The following NPC1 variants were observed in gnomAD, a reference collection of about 807,000 sequenced individuals.
The protein encoded by NPC1 is Niemann-Pick C1 protein.
In NPC1, 85 loss-of-function variants were observed where a neutral mutation model predicts 140.4. The ratio of observed to expected loss-of-function variants is 0.61; its 90% CI spans 0.51 to 0.72. The LOEUF (loss-of-function observed/expected upper bound fraction) is 0.72. Among genes scored for constraint, NPC1 ranks in the 30% least tolerant of loss-of-function variants. The probability of loss-of-function intolerance (pLI) is 0.00; values close to 1 mark genes in which losing one functional copy is unlikely to be tolerated. For missense variants in NPC1, 1,504 were observed against 1,623.8 expected (o/e 0.93, Z 1.27); for synonymous variants, 656 against 624.8 (o/e 1.05, Z -0.74).
downstream of NPC1, chr18:23,519,044 C>A (rs1483545170): frequency 1.5e-5 from 24 of 1,612,718 alleles, no homozygotes; most frequent in Non-Finnish European, 2.0e-5. Context: ...GCTTGTTGAT[C>A]TGTTTTTTGC....
At chr18:23,529,604 T>C (rs1165865760), downstream of NPC1, 1 of 1,581,390 alleles carries the variant, frequency 6.3e-7, no homozygotes, top group Admixed American at 1.7e-5. Flanking sequence ...ACCTCGTTGG[T>C]ATTTGTAAGA....
Position 23,514,482 on chromosome 18 carries a change from G to C in NPC1, c.432-7840C>G, listed in dbSNP as rs2057946880. 4.6e-5 allele frequency among the ~76,000 whole-genome samples: 7 copies of C among 152,284 alleles called. No homozygotes were observed. The South Asian group carries it at 1.5e-3, about 32-fold the overall frequency. On this transcript the variant is annotated intron_variant, in intron 3 of 3. Transcript: ENST00000591107. ...TGAGGCAGAAGAATCCCTTGAACGT[G>C]GGAGGTGGAGGTTGCGGTGAGCCGA...
At chr18:23,570,817 TAAAAAA>T (rs2059191130) in intron 3 of NPC1, among the ~76,000 whole-genome samples, 1 of 152,154 alleles carries the variant, frequency 6.6e-6, no homozygotes. Context: ...ACAGAACAGA[TAAAAAA>T]CTAAGTTTGA....
chr18:23,545,087 C>T lies in NPC1; in HGVS notation c.1820G>A (p.Arg607Gln). The T allele has an allele frequency of 1.2e-6, 2 of 1,612,914 alleles. No homozygotes were observed. Among genetic ancestry groups the T allele is most frequent in the Middle Eastern group, 1.7e-4 (1 of 6,060 alleles). ...ACGATTTAGTTCATCTTCAATACTTCGTTCAGCAGTGAAGGAAATGGTCAG... is the reference window on the plus strand; with the variant it reads ...ACGATTTAGTTCATCTTCAATACTTTGTTCAGCAGTGAAGGAAATGGTCAG... Reference protein sequence around the residue: ...PNLTISFTAERSIEDELNRES... With the variant: ...PNLTISFTAEQSIEDELNRES... The change falls in exon 12 of 25, where the codon CGA becomes CAA. Residue 607 changes from arginine (R) to glutamine (Q), a missense_variant. Physicochemically the swap from Arg to Gln is conservative, Grantham distance 43. Transcript: ENST00000269228.
chr18:23,532,917 A>G, intron 24 of NPC1: 1 of 985,368 alleles, frequency 1.0e-6, no homozygotes, highest in African/African-American at 1.7e-5. Context: ...AGGATCAAGG[A>G]CAGTCTCGAG....
intron 10 of NPC1, among the ~76,000 whole-genome samples, chr18:23,550,474 C>CCTTTTTTTT (rs1567960370): frequency 1.4e-5 from 1 of 73,866 alleles, no homozygotes; most frequent in Non-Finnish European, 2.5e-5. Flanking sequence ...CCAGTTCTTA[C>CCTTTTTTTT]ATTTCTTTTT....
chr18:23,507,151 T>C (rs537441119), intron 3 of NPC1: 2 of 816,696 alleles, frequency 2.4e-6, no homozygotes, highest in African/African-American at 1.7e-5. Flanking sequence ...AAACTTTTAT[T>C]ATCTTACTGT....
chr18:23,529,897 A>G, downstream of NPC1: 1 of 1,068,834 alleles, frequency 9.4e-7, no homozygotes, highest in Non-Finnish European at 1.4e-6. Flanking sequence ...CTTTACCTGC[A>G]TGACGAAACC....
rs35922440 is a variant in NPC1, at chr18:23,575,769, C to CAAAAAAAAAA, written c.58-2205_58-2196dup. ...CTTCTAGAGACACAGCAGAGAAGAC[C>CAAAAAAAAAA]AAAAAAAAAAAAAAAAAAAAAAAAA... On this transcript the variant is annotated intron_variant, in intron 1 of 24. Transcript: ENST00000269228. Among the ~76,000 whole-genome samples, 81 of 35,102 alleles carry CAAAAAAAAAA rather than the reference C, an allele frequency of 2.3e-3. 7 individuals are homozygous for CAAAAAAAAAA. The highest frequency in any genetic ancestry group is 3.9e-3 in the South Asian group (3 of 764). The allele number at this position is 35,102 out of a possible 152,430, so 23.0% of individuals were successfully genotyped here. A position where few individuals can be genotyped will look rare whatever the true frequency, so the allele number is the denominator to read the frequency against.
chr18:23,550,274 T>C (rs989427501), intron 10 of NPC1, among the ~76,000 whole-genome samples: 11 of 151,946 alleles, frequency 7.2e-5, no homozygotes, highest in African/African-American at 2.4e-4. Flanking sequence ...GCCTCCCAAA[T>C]TGCTGGGATT....
chr18:23,528,143 C>T (rs564493347), downstream of NPC1: 13 of 408,414 alleles, frequency 3.2e-5, no homozygotes, highest in East Asian at 1.4e-4. Context: ...TTGTTTTTCC[C>T]ATCTGTGTTT....
chr18:23,520,216 C>A (rs112752406), downstream of NPC1: 1 of 1,613,764 alleles, frequency 6.2e-7, no homozygotes, highest in African/African-American at 1.3e-5. Flanking sequence ...CGGTAATATT[C>A]GATATCAAGT....
downstream of NPC1, chr18:23,526,808 C>A (rs763878581): frequency 6.3e-7 from 1 of 1,599,936 alleles, no homozygotes; most frequent in Non-Finnish European, 8.5e-7. Flanking sequence ...CAGTGTGAGG[C>A]CTGTGCTGCC....
intron 2 of NPC1, among the ~76,000 whole-genome samples, 172 bp downstream of exon 2, chr18:23,573,280 G>A (rs1017491037): frequency 3.3e-5 from 5 of 152,178 alleles, no homozygotes; most frequent in African/African-American, 7.2e-5. Context: ...TTGGAGTTAC[G>A]GTGTTCTTTC....
chr18:23,544,845 G>A, intron 12 of NPC1, 115 bp downstream of exon 12: 1 of 793,642 alleles, frequency 1.3e-6, no homozygotes, highest in Non-Finnish European at 2.1e-6. Context: ...TAAAACATGG[G>A]GGAATTTATG....
At chr18:23,534,026 A>T (rs1378561871) in intron 23 of NPC1, 3 of 327,450 alleles carry the variant, frequency 9.2e-6, no homozygotes, top group Admixed American at 9.2e-5. Context: ...AGTGTTACGA[A>T]ACAAAGTTTT....
chr18:23,556,348 C>G lies in NPC1; in HGVS notation c.1221G>C (p.Gln407His), dbSNP rs765539977. The G allele has an allele frequency of 1.2e-5, 20 of 1,613,970 alleles. No individual in the cohort carries two copies. The Admixed American group carries it at 3.3e-4, about 27-fold the overall frequency. ...CAGTGAGAGGGGCCCGGATGATGAGCTGCTCCGTCCGGAAGAAAGGCCCAA... is the reference window on the plus strand; with the variant it reads ...CAGTGAGAGGGGCCCGGATGATGAGGTGCTCCGTCCGGAAGAAAGGCCCAA... ...QHFGPFFRTE[Q>H]LIIRAPLTDK... The change falls in exon 8 of 25, where the codon CAG (glutamine) becomes CAC (histidine). Residue 407 changes from glutamine to histidine, a missense_variant. Transcript: ENST00000269228.
At chr18:23,571,128 C>G (rs2059196122) in intron 3 of NPC1, among the ~76,000 whole-genome samples, 1 of 152,060 alleles carries the variant, frequency 6.6e-6, no homozygotes. Context: ...AGCATCAACT[C>G]TGAATGCAAC....
downstream of NPC1, among the ~76,000 whole-genome samples, chr18:23,527,348 G>A (rs1465375425): frequency 6.6e-6 from 1 of 151,824 alleles, no homozygotes; most frequent in Non-Finnish European, 1.5e-5. Flanking sequence ...GCAGCGAGCC[G>A]TTTGTGTCAG....
Sources: gnomAD v4.1 joint callset for allele counts (sites outside exome capture counted in the v4.1 genomes callset) on GRCh38, gnomAD v4.1.1 for gene constraint, MANE v1.5 for transcripts, NCBI Gene and HGNC (gene_info 2026-07-23, HGNC 2026-07-21) for gene names.